Variants in SLC38A6 observed in about 807,000 individuals in gnomAD.
SLC38A6 encodes solute carrier family 38 member 6.
SLC38A6 carries 73 observed loss-of-function variants against 65.0 expected under a neutral mutation model. The ratio of observed to expected loss-of-function variants is 1.12; its 90% confidence interval spans 0.93 to 1.37. The LOEUF is 1.37. Ranked by LOEUF, SLC38A6 falls within the 40% of genes most tolerant of loss-of-function variation. SLC38A6 has a pLI of 0.00. For synonymous variants in SLC38A6, 183 were observed against 178.8 expected (o/e 1.02, Z -0.19); for missense variants, 561 against 531.1 (o/e 1.06, Z -0.55).
At chr14:61,006,281 G>A (rs2039109864) in intron 3 of SLC38A6, among the ~76,000 whole-genome samples, 2 of 152,214 alleles carry the variant, frequency 1.3e-5, no homozygotes, top group African/African-American at 2.4e-5. Flanking sequence ...AGGACTTCGT[G>A]TCTAAAACAT....
intron 5 of SLC38A6, among the ~76,000 whole-genome samples, chr14:61,024,128 C>T (rs1460044145): frequency 1.3e-5 from 2 of 151,996 alleles, no homozygotes; most frequent in African/African-American, 4.8e-5. Flanking sequence ...GTTTTTCTCC[C>T]CCAAGATTAA....
chr14:61,003,036 C>T (rs1002852342), intron 3 of SLC38A6, among the ~76,000 whole-genome samples: 1 of 151,968 alleles, frequency 6.6e-6, no homozygotes, highest in Non-Finnish European at 1.5e-5. Context: ...AAAAAAATCT[C>T]CTGTTAGTAG....
intron 4 of SLC38A6, 155 bp from the exon 5 acceptor site, chr14:61,019,386 T>A (rs1201502752): frequency 3.4e-6 from 2 of 591,608 alleles, no homozygotes; most frequent in Non-Finnish European, 5.8e-6. Context: ...GATTATTAAT[T>A]TTATGTATTT....
At chr14:61,018,634 C>T (rs1457083371) in intron 4 of SLC38A6, among the ~76,000 whole-genome samples, 1 of 152,140 alleles carries the variant, frequency 6.6e-6, no homozygotes, top group Non-Finnish European at 1.5e-5. Flanking sequence ...TTGAAAGGCC[C>T]ACATGGAAGC....
intron 3 of SLC38A6, among the ~76,000 whole-genome samples, chr14:61,011,653 T>TTTTTGGTTTTGGTTTTGG (rs1375800516): frequency 6.6e-6 from 1 of 152,260 alleles, no homozygotes; most frequent in African/African-American, 2.4e-5. Context: ...GTGGTTTTTG[T>TTTTTGGTTTTGGTTTTGG]CTTTGGCTCT....
rs1046458136 is a variant in SLC38A6 at position 61,036,559 on chromosome 14, C to T, written c.483-500C>T. On this transcript the variant is annotated intron_variant, in intron 6 of 15. Transcript: ENST00000267488. Reference sequence around the variant, plus strand: ...TACCACCATGGCACATGTATACCTACGTAACAAGCCTGCACATTCTGCACA... The same window carrying T: ...TACCACCATGGCACATGTATACCTATGTAACAAGCCTGCACATTCTGCACA... Among the ~76,000 whole-genome samples, 10 of 152,104 alleles carry T rather than the reference C, an allele frequency of 6.6e-5. No individual in the cohort carries two copies. The East Asian group carries it at 7.7e-4, about 12-fold the overall frequency.
At chr14:61,014,800 G>C (rs1042109123) in intron 3 of SLC38A6, among the ~76,000 whole-genome samples, 4 of 152,192 alleles carry the variant, frequency 2.6e-5, no homozygotes, top group African/African-American at 9.7e-5. Context: ...CCCTACAGGG[G>C]GGTGCCTCCC....
chr14:61,019,731 T>G (rs1406282087), intron 5 of SLC38A6, 151 bp downstream of exon 5: 3 of 699,848 alleles, frequency 4.3e-6, no homozygotes, highest in Admixed American at 2.6e-5. Context: ...TTTTTTTTTT[T>G]GGATCCTTTT....
At position 61,051,820 on chromosome 14, in the gene SLC38A6, A is replaced by C; in HGVS notation, c.1084A>C (p.Asn362His). 6.2e-7 allele frequency: 1 copy of C among 1,612,398 alleles called. No homozygotes were observed. Among genetic ancestry groups the C allele is most frequent in the Non-Finnish European group, 8.5e-7 (1 of 1,179,348 alleles). Residue 362 changes from asparagine (N) to histidine (H), a missense_variant, in exon 14 of 16, where the codon AAT (asparagine) becomes CAT (histidine). Transcript: ENST00000267488. ...RKAVTMMFFS[N>H]FPFSWIRHFL... is the part of the protein sequence containing the mutation. Reference sequence around the variant, plus strand: ...AGCTGTAACAATGATGTTTTTCTCCAATTTTCCATTCTCATGGATTCGCCA... The same window carrying C: ...AGCTGTAACAATGATGTTTTTCTCCCATTTTCCATTCTCATGGATTCGCCA...
intron 3 of SLC38A6, among the ~76,000 whole-genome samples, chr14:61,003,440 C>A (rs1175382306): frequency 6.6e-6 from 1 of 152,158 alleles, no homozygotes; most frequent in East Asian, 1.9e-4. Context: ...TGAAACAATA[C>A]CCCCTGAGTA....
chr14:61,018,829 C>T (rs1327905771), intron 4 of SLC38A6, among the ~76,000 whole-genome samples: 8 of 152,098 alleles, frequency 5.3e-5, no homozygotes, highest in African/African-American at 1.9e-4. Flanking sequence ...GAAAAAATTT[C>T]ATTTCTGACT....
chr14:61,001,592 G>A (rs1346959004), intron 3 of SLC38A6, among the ~76,000 whole-genome samples: 1 of 152,094 alleles, frequency 6.6e-6, no homozygotes, highest in African/African-American at 2.4e-5. Context: ...TAGTTTTATC[G>A]CATTTCCCAG....
At chr14:61,081,403 T>C (rs1262902653) in intron 16 of SLC38A6, among the ~76,000 whole-genome samples, 2 of 140,542 alleles carry the variant, frequency 1.4e-5, no homozygotes, top group African/African-American at 5.1e-5. Flanking sequence ...CGTAAGTCTT[T>C]CATGTTCCAT....
intron 15 of SLC38A6, among the ~76,000 whole-genome samples, chr14:61,076,750 C>T (rs1269133950): frequency 1.3e-5 from 2 of 152,146 alleles, no homozygotes; most frequent in Non-Finnish European, 2.9e-5. Flanking sequence ...GGCCTTGTGT[C>T]CTCTTGAGTC....
chr14:61,054,702 AT>A (rs1307251299), downstream of SLC38A6, among the ~76,000 whole-genome samples: 10 of 152,088 alleles, frequency 6.6e-5, no homozygotes, highest in African/African-American at 2.2e-4. Context: ...AATGCTAGTA[AT>A]TTTTGTACAT....
chr14:61,004,239 T>G (rs540125364), intron 3 of SLC38A6, among the ~76,000 whole-genome samples: 1 of 152,330 alleles, frequency 6.6e-6, no homozygotes, highest in East Asian at 1.9e-4. Flanking sequence ...CTACATTTGC[T>G]AAATATACTA....
At chr14:61,011,909 G>A (rs1008656617) in intron 3 of SLC38A6, among the ~76,000 whole-genome samples, 15 of 152,186 alleles carry the variant, frequency 9.9e-5, no homozygotes, top group African/African-American at 3.6e-4. Flanking sequence ...CAATGAGTTA[G>A]GGAGGATTCC....
At chr14:61,019,822 A>T (rs1445074387) in intron 5 of SLC38A6, among the ~76,000 whole-genome samples, 1 of 151,934 alleles carries the variant, frequency 6.6e-6, no homozygotes. Context: ...TCTGCAACAC[A>T]CCTCTAAAAC....
At chr14:61,062,777 T>A (rs1363314861) in intron 15 of SLC38A6, among the ~76,000 whole-genome samples, 1 of 152,122 alleles carries the variant, frequency 6.6e-6, no homozygotes, top group Non-Finnish European at 1.5e-5. Flanking sequence ...ACCTCCTGGG[T>A]TCAAGCAATT....
Sources: allele counts gnomAD v4.1 joint callset (sites outside exome capture counted in the v4.1 genomes callset), GRCh38; gene constraint gnomAD v4.1.1; transcripts MANE v1.5; gene names NCBI Gene and HGNC (gene_info 2026-07-23, HGNC 2026-07-21).